Variants in CFAP61 observed in about 807,000 individuals in gnomAD.
The protein encoded by CFAP61 is cilia- and flagella-associated protein 61.
In CFAP61, 107 loss-of-function variants were observed where a neutral mutation model predicts 135.6. The observed-to-expected ratio is 0.79, with a 90% CI of 0.67 to 0.93. The LOEUF (loss-of-function observed/expected upper bound fraction) is 0.93, where lower values mean the gene tolerates loss of function less well. Ranked by LOEUF, CFAP61 falls within the 40% of genes least tolerant of loss-of-function variation. The pLI, the probability that CFAP61 is intolerant of heterozygous loss-of-function variation, is 0.00. For synonymous variants in CFAP61, 575 were observed against 578.5 expected, an observed-to-expected ratio of 0.99 and a Z score of 0.09; for missense variants, 1,507 against 1,556.2, an observed-to-expected ratio of 0.97 and a Z score of 0.53.
chr20:20,191,973 A>G (rs1052363636), intron 15 of CFAP61, among the ~76,000 whole-genome samples: 2 of 152,080 alleles, frequency 1.3e-5, no homozygotes, highest in African/African-American at 4.8e-5. Flanking sequence ...CCGTGGATTT[A>G]TCTGTTGATA....
chr20:20,053,013 A>G (rs1240422612), intron 1 of CFAP61, among the ~76,000 whole-genome samples: 1 of 152,202 alleles, frequency 6.6e-6, no homozygotes, highest in African/African-American at 2.4e-5. Flanking sequence ...AAATATAAAT[A>G]GAGTAACTGG....
intron 25 of CFAP61, among the ~76,000 whole-genome samples, chr20:20,304,490 G>A (rs2056333581): frequency 6.6e-6 from 1 of 151,564 alleles, no homozygotes. Flanking sequence ...TGCCCCCACA[G>A]GCCTCGCTCA....
intron 20 of CFAP61, among the ~76,000 whole-genome samples, chr20:20,260,868 C>G (rs1209147357): frequency 6.6e-6 from 1 of 152,186 alleles, no homozygotes; most frequent in African/African-American, 2.4e-5. Context: ...TGCTACAATG[C>G]TCCTTGTAGT....
intron 19 of CFAP61, among the ~76,000 whole-genome samples, chr20:20,248,568 G>A (rs2050642904): frequency 6.6e-6 from 1 of 152,230 alleles, no homozygotes; most frequent in African/African-American, 2.4e-5. Context: ...TGGGAGAGGA[G>A]AAGGAACAGG....
intron 22 of CFAP61, among the ~76,000 whole-genome samples, chr20:20,277,673 G>GT (rs2147042947): frequency 6.6e-6 from 1 of 152,294 alleles, no homozygotes; most frequent in Non-Finnish European, 1.5e-5. Flanking sequence ...ATCTCTCCTG[G>GT]TTTTTTATTA....
At chr20:20,111,091 C>T (rs1254156346) in intron 8 of CFAP61, among the ~76,000 whole-genome samples, 1 of 151,934 alleles carries the variant, frequency 6.6e-6, no homozygotes, top group African/African-American at 2.4e-5. Flanking sequence ...TTATAGTTTT[C>T]CATTGAAATA....
chr20:20,353,029 T>C (rs1045511846), intron 26 of CFAP61, among the ~76,000 whole-genome samples: 3 of 152,058 alleles, frequency 2.0e-5, no homozygotes, highest in South Asian at 4.1e-4. Context: ...AGGAAACAAC[T>C]CACTAACAGG....
intron 25 of CFAP61, among the ~76,000 whole-genome samples, chr20:20,305,851 G>A (rs776937904): frequency 6.6e-6 from 1 of 152,202 alleles, no homozygotes; most frequent in East Asian, 1.9e-4. Flanking sequence ...CATTGACCAT[G>A]CCTTGGCCTT....
At chr20:20,096,371 T>C (rs963700860) in intron 7 of CFAP61, among the ~76,000 whole-genome samples, 6 of 152,256 alleles carry the variant, frequency 3.9e-5, no homozygotes, top group Non-Finnish European at 7.3e-5. Context: ...GGTTGTAGAA[T>C]TGGAGAACGT....
intron 6 of CFAP61, among the ~76,000 whole-genome samples, chr20:20,083,352 C>T (rs564655981): frequency 3.3e-5 from 5 of 149,704 alleles, no homozygotes; most frequent in African/African-American, 4.9e-5. Context: ...GGGGGAGGTT[C>T]GGAGGGGGTG....
intron 10 of CFAP61, among the ~76,000 whole-genome samples, chr20:20,162,831 A>G (rs1470890052): frequency 1.9e-5 from 2 of 102,832 alleles, no homozygotes; most frequent in South Asian, 3.7e-4. Context: ...AAACATTGTC[A>G]TATTACACTA....
chr20:20,203,569 C>T (rs771013874), intron 17 of CFAP61, among the ~76,000 whole-genome samples: 17 of 152,136 alleles, frequency 1.1e-4, no homozygotes, highest in Non-Finnish European at 2.1e-4. Context: ...GTAATAATCA[C>T]ATCATGTAAA....
intron 22 of CFAP61, among the ~76,000 whole-genome samples, chr20:20,279,449 T>C (rs1329606028): frequency 6.6e-6 from 1 of 152,218 alleles, no homozygotes; most frequent in African/African-American, 2.4e-5. Context: ...AAAGAAAATG[T>C]TATTAAGACA....
At chr20:20,190,000 G>A (rs1449315162) in intron 14 of CFAP61, among the ~76,000 whole-genome samples, 3 of 152,138 alleles carry the variant, frequency 2.0e-5, no homozygotes, top group Non-Finnish European at 2.9e-5. Flanking sequence ...GGCCAGGCTG[G>A]TCTCGAACTC....
chr20:20,174,466 A>C (rs780248783), intron 13 of CFAP61, among the ~76,000 whole-genome samples: 1 of 152,260 alleles, frequency 6.6e-6, no homozygotes, highest in Non-Finnish European at 1.5e-5. Flanking sequence ...CAGAAAGCAT[A>C]GATCTCCTCT....
rs779533451 is a variant in CFAP61 at position 20,360,217 on chromosome 20, A to C, written c.3521A>C (p.Asp1174Ala). 2 of 1,612,834 alleles carry C rather than the reference A, an allele frequency of 1.2e-6. No homozygotes were observed. Among genetic ancestry groups the C allele is most frequent in the Non-Finnish European group, 1.7e-6 (2 of 1,179,032 alleles). Residue 1174 changes from aspartate to alanine, a missense_variant, in exon 27 of 27, where the codon GAT becomes GCT. Coordinates refer to ENST00000245957, the MANE Select transcript of CFAP61 (RefSeq NM_015585.4). ...TCTTACTGTGTTTTACAGGAGGAAG[A>C]TCTTCCTTCCATAGAGCAGTTAGCC... ...RQILASKEEEDLPSIEQLAHQ... is the reference protein window; with the variant it reads ...RQILASKEEEALPSIEQLAHQ...
chr20:20,128,356 C>T (rs1263545942), intron 8 of CFAP61, among the ~76,000 whole-genome samples: 1 of 151,750 alleles, frequency 6.6e-6, no homozygotes, highest in East Asian at 1.9e-4. Flanking sequence ...TTCCCAGGGC[C>T]TTTCCCACTG....
intron 25 of CFAP61, among the ~76,000 whole-genome samples, chr20:20,340,192 G>A (rs11908058): frequency 0.29 from 43,811 of 152,176 alleles, 6,489 homozygotes; most frequent in Admixed American, 0.36. Context: ...TTGCTGGCAA[G>A]TGTGATGTGT....
intron 6 of CFAP61, among the ~76,000 whole-genome samples, chr20:20,083,366 A>T (rs1475536397): frequency 6.6e-6 from 1 of 152,024 alleles, no homozygotes; most frequent in African/African-American, 2.4e-5. Flanking sequence ...GGGGGTGAGG[A>T]ATAAAATCCA....
Sources: gnomAD v4.1 joint callset for allele counts (sites outside exome capture counted in the v4.1 genomes callset) on GRCh38, gnomAD v4.1.1 for gene constraint, MANE v1.5 for transcripts, NCBI Gene and HGNC (gene_info 2026-07-23, HGNC 2026-07-21) for gene names.